Variants in FLII observed in about 807,000 individuals in gnomAD.
The protein encoded by FLII is protein flightless-1 homolog.
FLII carries 101 observed loss-of-function variants against 156.2 expected under a neutral mutation model. The ratio of observed to expected loss-of-function variants is 0.65; its 90% CI spans 0.55 to 0.76. The LOEUF (loss-of-function observed/expected upper bound fraction) is 0.76, where lower values mean the gene tolerates loss of function less well. Ranked by LOEUF, FLII falls within the 30% of genes least tolerant of loss-of-function variation. FLII has a pLI of 0.00. For synonymous variants in FLII, 767 were observed against 685.8 expected, an observed-to-expected ratio of 1.12 and a Z score of -1.85; for missense variants, 1,675 against 1,682.8, an observed-to-expected ratio of 1.00 and a Z score of 0.08.
chr17:18,250,687 A>C, intron 14 of FLII, 151 bp downstream of exon 14: 1 of 794,316 alleles, frequency 1.3e-6, no homozygotes, highest in South Asian at 1.8e-5. Flanking sequence ...GGTCTGCCTT[A>C]GGTCCCGCAC....
rs771417684 is a variant in FLII, at chr17:18,252,546, G to A, written c.1024C>T (p.Leu342=). 51 of 1,613,488 alleles carry A rather than the reference G, an allele frequency of 3.2e-5. No homozygotes were observed. The Admixed American group carries it at 8.3e-4, about 26-fold the overall frequency. ...VPESLCRCPK[L]RKLVLNKNHL... Reference sequence around the variant, plus strand: ...TTCTTGTTCAGGACAAGTTTCCTCAGCTTTGGGCACCTGTGAAGACAGGGC... The same window carrying A: ...TTCTTGTTCAGGACAAGTTTCCTCAACTTTGGGCACCTGTGAAGACAGGGC... Residue 342 remains leucine (L), a synonymous_variant, in exon 10 of 30, where the codon CTG becomes TTG. Transcript: ENST00000327031.
chr17:18,258,483 C>T lies in FLII; in HGVS notation c.63+145G>A. 6.6e-7 allele frequency: 1 copy of T among 1,507,076 alleles called. No individual in the cohort carries two copies. Among genetic ancestry groups the T allele is most frequent in the East Asian group, 2.7e-5 (1 of 37,168 alleles). The allele number at this position is 1,507,076 out of a possible 1,614,324, so 93.4% of individuals were successfully genotyped here. ...GGAGGCCTCGGAGGTCCATTCCTGGCCAGGGGAGAGCCCCACCCCGCCCCG... is the reference window on the plus strand; with the variant it reads ...GGAGGCCTCGGAGGTCCATTCCTGGTCAGGGGAGAGCCCCACCCCGCCCCG... On this transcript the variant is annotated intron_variant, in intron 1 of 29. Coordinates refer to ENST00000327031, the MANE Select transcript of FLII (RefSeq NM_002018.4). This position sits in a 1 kb window ranked among gnomAD's most constrained non-coding sequence, Gnocchi z 4.2.
In FLII at chr17:18,258,484, C is replaced by A; in HGVS notation, c.63+144G>T. On this transcript the variant is annotated intron_variant, in intron 1 of 29. Coordinates refer to ENST00000327031, the MANE Select transcript of FLII (RefSeq NM_002018.4). The surrounding 1 kb of genome is among the most constrained non-coding windows in gnomAD (Gnocchi z 4.2). Reference sequence around the variant, plus strand: ...GAGGCCTCGGAGGTCCATTCCTGGCCAGGGGAGAGCCCCACCCCGCCCCGG... The same window carrying A: ...GAGGCCTCGGAGGTCCATTCCTGGCAAGGGGAGAGCCCCACCCCGCCCCGG... The A allele has an allele frequency of 2.0e-6, 3 of 1,506,742 alleles. No homozygotes were observed. Among genetic ancestry groups the A allele is most frequent in the Non-Finnish European group, 2.6e-6 (3 of 1,134,262 alleles). The allele number at this position is 1,506,742 out of a possible 1,614,324, so 93.3% of individuals were successfully genotyped here.
Position 18,245,674 on chromosome 17 carries a change from G to A in FLII, c.3504-14C>T, listed in dbSNP as rs2048015789. On this transcript the variant is annotated splice_polypyrimidine_tract_variant and intron_variant, in intron 27 of 29. Coordinates refer to ENST00000327031, the MANE Select transcript of FLII (RefSeq NM_002018.4). ...TCGTTGGAGCACCTGGGAATCAAGG[G>A]TCAAGGTGAGGCCAGAGGTCATAAG... The A allele has an allele frequency of 5.0e-6, 8 of 1,612,892 alleles. No individual in the cohort carries two copies. Among genetic ancestry groups the A allele is most frequent in the Non-Finnish European group, 6.8e-6 (8 of 1,179,166 alleles).
chr17:18,255,678 C>T (rs751357642), intron 3 of FLII, among the ~76,000 whole-genome samples: 55 of 152,120 alleles, frequency 3.6e-4, no homozygotes, highest in South Asian at 6.2e-4. Flanking sequence ...CTGACACCTC[C>T]TCATACCTTA....
In FLII at chr17:18,247,054, T is replaced by A; in HGVS notation, c.2677-2A>T. 1 of 1,612,334 alleles carries A rather than the reference T, an allele frequency of 6.2e-7. No homozygotes were observed. Among genetic ancestry groups the A allele is most frequent in the Non-Finnish European group, 8.5e-7 (1 of 1,179,950 alleles). On this transcript the variant is annotated splice_acceptor_variant, in intron 21 of 29. Transcript: ENST00000327031. LOFTEE classifies it high-confidence loss of function. Reference sequence around the variant, plus strand: ...CCACTCCTCCATCAGCTGCTCCGCCTGCAGGTGAGAGGGACCCGCCCCGCG... The same window carrying A: ...CCACTCCTCCATCAGCTGCTCCGCCAGCAGGTGAGAGGGACCCGCCCCGCG...
intron 20 of FLII, 28 bp from the exon 21 acceptor site, chr17:18,247,385 G>A (rs1236422617): frequency 1.4e-5 from 22 of 1,575,280 alleles, no homozygotes; most frequent in East Asian, 2.3e-5. Context: ...AACTAACCAT[G>A]AGGGGTGCGG....
At position 18,258,534 on chromosome 17, in the gene FLII, C is replaced by T. The variant is rs546560472; in HGVS notation, c.63+94G>A. The T allele has an allele frequency of 1.5e-3, 2,259 of 1,515,320 alleles. 31 individuals carry two copies. The African/African-American group carries it at 0.028, about 19-fold the overall frequency. The allele number at this position is 1,515,320 out of a possible 1,614,324, so 93.9% of individuals were successfully genotyped here. A position where few individuals can be genotyped will look rare whatever the true frequency, so the allele number is the denominator to read the frequency against. ...GCCGCAGTCCCTGGGACACGCAGGG[C>T]CTGGAGCCGAGCGGGACAGGAAGCG... On this transcript the variant is annotated intron_variant, in intron 1 of 29. Coordinates refer to ENST00000327031, the MANE Select transcript of FLII (RefSeq NM_002018.4). The surrounding 1 kb of genome is among the most constrained non-coding windows in gnomAD (Gnocchi z 4.2).
intron 6 of FLII, 141 bp from the exon 7 acceptor site, chr17:18,254,323 T>C (rs766881412): frequency 6.3e-6 from 5 of 796,168 alleles, no homozygotes; most frequent in Non-Finnish European, 9.6e-6. Flanking sequence ...AGCCCAAGGG[T>C]GGTTGCGGGG....
At chr17:18,247,552 G>C in intron 20 of FLII, 105 bp downstream of exon 20, 1 of 1,154,646 alleles carries the variant, frequency 8.7e-7, no homozygotes, top group Admixed American at 2.7e-5. Flanking sequence ...CAAAGAGGAG[G>C]TGGGTTTGGG....
intron 28 of FLII, 60 bp from the exon 29 acceptor site, chr17:18,245,479 T>C (rs543501233): frequency 1.1e-4 from 176 of 1,612,478 alleles, no homozygotes; most frequent in Non-Finnish European, 1.4e-4. Context: ...CCCTTGCTCC[T>C]GGCCCGAGAA....
At position 18,257,029 on chromosome 17, in the gene FLII, G is replaced by A. The variant is rs1394227135; in HGVS notation, c.64-10C>T. ...CAGGGAAGTAGCCGCCCTGGGGGAA[G>A]GATGTCAAGGTGAAGCACAGAGCCC... On this transcript the variant is annotated splice_polypyrimidine_tract_variant and intron_variant, in intron 1 of 29. Coordinates refer to ENST00000327031, the MANE Select transcript of FLII (RefSeq NM_002018.4). 1 of 1,577,978 alleles carries A rather than the reference G, an allele frequency of 6.3e-7. No individual in the cohort carries two copies. Among genetic ancestry groups the A allele is most frequent in the East Asian group, 2.3e-5 (1 of 43,508 alleles).
chr17:18,246,608 G>A lies in FLII; in HGVS notation c.3037C>T (p.Pro1013Ser), dbSNP rs201997103. The A allele has an allele frequency of 1.2e-6, 2 of 1,613,882 alleles. No homozygotes were observed. Among genetic ancestry groups the A allele is most frequent in the Non-Finnish European group, 1.7e-6 (2 of 1,179,952 alleles). Residue 1013 changes from proline (P) to serine (S), a missense_variant, in exon 23 of 30, where the codon CCT (proline) becomes TCT (serine). Physicochemically the swap from Pro to Ser is moderately conservative, Grantham distance 74. Coordinates refer to ENST00000327031, the MANE Select transcript of FLII (RefSeq NM_002018.4). ...GCCAGGCACACCTCCAGCTTCCCAG[G>A]GAAGAGGCTCTCGAACTTCTTTTGC... is the stretch of plus-strand genomic sequence containing the variant. ...SLQKKFESLF[P>S]GKLEVVRMTQ...
At chr17:18,250,600 C>A (rs1043531664) in intron 14 of FLII, among the ~76,000 whole-genome samples, 1 of 152,212 alleles carries the variant, frequency 6.6e-6, no homozygotes, top group African/African-American at 2.4e-5. Context: ...CTTATCCTTG[C>A]CCGGCTGAAT....
At chr17:18,255,481 C>T (rs116537123) in intron 3 of FLII, among the ~76,000 whole-genome samples, 303 of 152,150 alleles carry the variant, frequency 2.0e-3, no homozygotes, top group African/African-American at 6.8e-3. Context: ...AAATGTGCCC[C>T]GGAGCCCCAG....
chr17:18,245,196 TG>T lies in FLII; in HGVS notation c.3751del (p.Gln1251SerfsTer41). 2 of 1,613,984 alleles carry T rather than the reference TG, an allele frequency of 1.2e-6. No homozygotes were observed. Among genetic ancestry groups the T allele is most frequent in the Non-Finnish European group, 1.7e-6 (2 of 1,179,982 alleles). ...RLRLVRKGNE[Q>X]HAFTRCFHAW... ...GTGGAAGCAGCGGGTAAAGGCGTGC[TG>T]CTCATTGCCCTTGCGGACCAGGCGC... On this transcript the variant is annotated frameshift_variant, in exon 30 of 30. Coordinates refer to ENST00000327031, the MANE Select transcript of FLII (RefSeq NM_002018.4). LOFTEE classifies it high-confidence loss of function.
rs1254706809 is a variant in FLII, at chr17:18,253,556, G to A, written c.843C>T (p.Leu281=). 6.2e-7 allele frequency: 1 copy of A among 1,613,326 alleles called. No homozygotes were observed. The highest frequency in any genetic ancestry group is 8.5e-7 in the Non-Finnish European group (1 of 1,179,450). The change falls in exon 8 of 30, where the codon CTC becomes CTT. Residue 281 remains leucine, a synonymous_variant. Transcript: ENST00000327031. ...GCCTCAGACGCACGGGCAGTGAGGT[G>A]AGCTGATTTCGGGACAGGTTCAGAG... ...VETLNLSRNQ[L]TSLPSAICKL...
chr17:18,252,576 CA>C lies in FLII; in HGVS notation c.1014-21del, dbSNP rs1302985503. The C allele has an allele frequency of 1.2e-6, 2 of 1,603,916 alleles. No homozygotes were observed. Among genetic ancestry groups the C allele is most frequent in the African/African-American group, 2.7e-5 (2 of 74,760 alleles). Reference sequence around the variant, plus strand: ...GGGCACCTGTGAAGACAGGGCCAGCCAGGGCCTCAGGCAGGTGACAGACAAG... The same window carrying C: ...GGGCACCTGTGAAGACAGGGCCAGCCGGGCCTCAGGCAGGTGACAGACAAG... On this transcript the variant is annotated intron_variant, in intron 9 of 29. Transcript: ENST00000327031.
Position 18,250,884 on chromosome 17 carries a change from C to T in FLII, c.1730G>A (p.Arg577His), listed in dbSNP as rs770614945. ...NLRNYLGAECRTVREEMGDES... is the reference protein window; with the variant it reads ...NLRNYLGAECHTVREEMGDES... ...ATCGCCCATCTCCTCCCGGACAGTG[C>T]GGCACTCAGCACCCAGGTAGTTGCG... The change falls in exon 14 of 30, where the codon CGC becomes CAC. Residue 577 changes from arginine (R) to histidine (H), a missense_variant. Physicochemically the swap from Arg to His is conservative, Grantham distance 29. Coordinates refer to ENST00000327031, the MANE Select transcript of FLII (RefSeq NM_002018.4). 11 of 1,613,916 alleles carry T rather than the reference C, an allele frequency of 6.8e-6. No individual in the cohort carries two copies. The highest frequency in any genetic ancestry group is 1.7e-5 in the Admixed American group (1 of 60,006).
Sources: gnomAD v4.1 joint callset for allele counts (sites outside exome capture counted in the v4.1 genomes callset) on GRCh38, gnomAD v4.1.1 for gene constraint, Gnocchi (gnomAD v3.1) non-coding constraint, MANE v1.5 for transcripts, NCBI Gene and HGNC (gene_info 2026-07-23, HGNC 2026-07-21) for gene names.